INO80D: variants seen among roughly 807,000 people sequenced by gnomAD.
The protein encoded by INO80D is INO80 complex subunit D.
INO80D carries 21 observed loss-of-function variants against 87.6 expected under a neutral mutation model. The observed-to-expected ratio is 0.24, with a 90% CI of 0.17 to 0.35. The LOEUF (loss-of-function observed/expected upper bound fraction) is 0.35. Ranked by LOEUF, INO80D falls within the 10% of genes least tolerant of loss-of-function variation. The pLI is 1.00. For missense variants in INO80D, 982 were observed against 1,280.7 expected (o/e 0.77, Z 3.56); for synonymous variants, 440 against 491.0 (o/e 0.90, Z 1.37).
In INO80D at chr2:206,001,818, TG is replaced by T. The variant is rs1334984295; in HGVS notation, c.*2549del. ...CAACCACTTTCCTCAGCTTTCATCA[TG>T]GGCATCCAAACGAAAATGTATTTAC... On this transcript the variant is annotated 3_prime_UTR_variant, in exon 11 of 11. Coordinates refer to ENST00000403263, the MANE Select transcript of INO80D (RefSeq NM_017759.5). 1 of 152,232 alleles carries T rather than the reference TG, an allele frequency of 6.6e-6. No individual in the cohort carries two copies. The highest frequency in any genetic ancestry group is 1.9e-4 in the East Asian group (1 of 5,204). The allele number at this position is 152,232 out of a possible 1,614,324, so 9.4% of individuals were successfully genotyped here.
intron 1 of INO80D, among the ~76,000 whole-genome samples, chr2:206,068,024 G>A (rs1467175230): frequency 1.3e-5 from 2 of 151,988 alleles, no homozygotes; most frequent in East Asian, 3.8e-4. Context: ...TTGCTTTTTT[G>A]GTTTGAATTT....
At chr2:206,007,181 T>C (rs1184456713) in intron 10 of INO80D, 103 bp downstream of exon 10, 1 of 961,866 alleles carries the variant, frequency 1.0e-6, no homozygotes, top group East Asian at 2.5e-5. Context: ...TGAAAGACAT[T>C]ACATGTGAGG....
At chr2:206,051,720 C>T (rs919343193) in intron 4 of INO80D, among the ~76,000 whole-genome samples, 2 of 151,948 alleles carry the variant, frequency 1.3e-5, no homozygotes, top group African/African-American at 2.4e-5. Flanking sequence ...AGGCTGGTCC[C>T]GAACTCCTGG....
intron 5 of INO80D, among the ~76,000 whole-genome samples, chr2:206,041,604 A>G (rs1350917663): frequency 6.6e-6 from 1 of 152,250 alleles, no homozygotes; most frequent in Non-Finnish European, 1.5e-5. Flanking sequence ...TTACAAAGAG[A>G]TATTTCAAGA....
At chr2:206,058,344 C>T (rs1018489084) in intron 3 of INO80D, among the ~76,000 whole-genome samples, 4 of 145,978 alleles carry the variant, frequency 2.7e-5, no homozygotes, top group East Asian at 2.1e-4. Context: ...GCGCGAACCC[C>T]GGAGGCAGAG....
At chr2:206,075,674 G>A (rs1309171647) in intron 1 of INO80D, among the ~76,000 whole-genome samples, 1 of 151,584 alleles carries the variant, frequency 6.6e-6, no homozygotes, top group Non-Finnish European at 1.5e-5. Context: ...CTGACATCAA[G>A]TGATCCGCCC....
At chr2:206,022,465 C>T (rs6747107) in intron 6 of INO80D, among the ~76,000 whole-genome samples, 3 of 151,822 alleles carry the variant, frequency 2.0e-5, no homozygotes, top group Non-Finnish European at 2.9e-5. Flanking sequence ...AGGGAATTAC[C>T]AAAACTTTTT....
chr2:206,073,767 A>G (rs1419320571), intron 1 of INO80D, among the ~76,000 whole-genome samples: 3 of 152,096 alleles, frequency 2.0e-5, no homozygotes, highest in Non-Finnish European at 4.4e-5. Flanking sequence ...CACCAGCATC[A>G]GCCTCCCAAA....
At chr2:206,067,435 C>T (rs1396738691) in intron 1 of INO80D, among the ~76,000 whole-genome samples, 1 of 151,904 alleles carries the variant, frequency 6.6e-6, no homozygotes, top group Admixed American at 6.6e-5. Flanking sequence ...AATTATTATA[C>T]AGTTTTGAAT....
At chr2:206,055,314 G>T (rs1261156003) in intron 4 of INO80D, among the ~76,000 whole-genome samples, 1 of 152,076 alleles carries the variant, frequency 6.6e-6, no homozygotes. Context: ...TATAAACTTG[G>T]AATCGAGGAA....
At chr2:206,014,103 A>C (rs1477046719) in intron 8 of INO80D, among the ~76,000 whole-genome samples, 2 of 150,594 alleles carry the variant, frequency 1.3e-5, no homozygotes, top group African/African-American at 4.9e-5. Context: ...GGTTGCAGTG[A>C]GCCAAGATTG....
At chr2:206,020,088 T>TG (rs1688420580) in intron 6 of INO80D, among the ~76,000 whole-genome samples, 1 of 71,556 alleles carries the variant, frequency 1.4e-5, no homozygotes, top group Non-Finnish European at 3.7e-5. Flanking sequence ...CAAGTATGTC[T>TG]GTTTTTTTTT....
At chr2:206,026,649 A>G (rs994164221) in intron 6 of INO80D, among the ~76,000 whole-genome samples, 3 of 149,394 alleles carry the variant, frequency 2.0e-5, no homozygotes, top group African/African-American at 7.3e-5. Flanking sequence ...TATTATATAT[A>G]TTTTATATAT....
rs1042896238 is a variant in INO80D at position 205,998,043 on chromosome 2, T to G, written c.*6325A>C. 6.6e-6 allele frequency: 1 copy of G among 152,220 alleles called. No homozygotes were observed. The highest frequency in any genetic ancestry group is 6.5e-5 in the Admixed American group (1 of 15,280). The allele number at this position is 152,220 out of a possible 1,614,324, so 9.4% of individuals were successfully genotyped here. ...TTAGTGAGGAGGGATAAAAAGTTCC[T>G]GAATAAGACACTGAGAACATCTAGA... On this transcript the variant is annotated 3_prime_UTR_variant, in exon 11 of 11. Transcript: ENST00000403263.
Position 206,004,438 on chromosome 2 carries a change from C to G in INO80D, c.3014G>C (p.Gly1005Ala). The change falls in exon 11 of 11, where the codon GGC becomes GCC. Residue 1005 changes from glycine to alanine, a missense_variant. Physicochemically the swap from Gly to Ala is moderately conservative, Grantham distance 60. Coordinates refer to ENST00000403263, the MANE Select transcript of INO80D (RefSeq NM_017759.5). This position sits in a 1 kb window ranked among gnomAD's most constrained non-coding sequence, Gnocchi z 4.9. The stretch of plus-strand genomic sequence containing the variant: ...AGCTGTGGCACCTGTTACTGTGAAG[C>G]CTGTAGGAGGGGCTATAGAGCTGTG... The part of the protein sequence containing the change: ...PSHSSIAPPT[G>A]FTVTGATATS... 1 of 1,605,180 alleles carries G rather than the reference C, an allele frequency of 6.2e-7. No individual in the cohort carries two copies. The highest frequency in any genetic ancestry group is 8.5e-7 in the Non-Finnish European group (1 of 1,175,876).
intron 1 of INO80D, among the ~76,000 whole-genome samples, chr2:206,076,574 AAAC>A (rs1284406393): frequency 2.8e-4 from 42 of 152,360 alleles, no homozygotes; most frequent in African/African-American, 8.9e-4. Flanking sequence ...TCGAAAATAT[AAAC>A]AACATTCATT....
intron 3 of INO80D, among the ~76,000 whole-genome samples, chr2:206,057,652 G>A (rs534738877): frequency 6.6e-6 from 1 of 152,072 alleles, no homozygotes; most frequent in South Asian, 2.1e-4. Flanking sequence ...AAGAGTCAGA[G>A]CTAAGACCAA....
chr2:206,049,340 T>C (rs1049170142), intron 4 of INO80D, among the ~76,000 whole-genome samples: 10 of 152,244 alleles, frequency 6.6e-5, no homozygotes, highest in South Asian at 2.1e-4. Flanking sequence ...TAATAATTTG[T>C]AGGGGGAAAA....
At position 206,004,167 on chromosome 2, in the gene INO80D, G is replaced by A; in HGVS notation, c.*201C>T. On this transcript the variant is annotated 3_prime_UTR_variant, in exon 11 of 11. Transcript: ENST00000403263. This position sits in a 1 kb window ranked among gnomAD's most constrained non-coding sequence, Gnocchi z 4.9. ...GGGGCGGAGTGGGCCTGCCAGGAGG[G>A]AATGAGCACCAGTGCTAAGGAGCAC... 1 of 599,372 alleles carries A rather than the reference G, an allele frequency of 1.7e-6. No homozygotes were observed. Among genetic ancestry groups the A allele is most frequent in the Admixed American group, 3.0e-5 (1 of 33,700 alleles). The allele number at this position is 599,372 out of a possible 1,614,324, so 37.1% of individuals were successfully genotyped here. A position where few individuals can be genotyped will look rare whatever the true frequency, so the allele number is the denominator to read the frequency against.
Sources: allele counts gnomAD v4.1 joint callset (sites outside exome capture counted in the v4.1 genomes callset), GRCh38; gene constraint gnomAD v4.1.1; non-coding constraint Gnocchi (gnomAD v3.1); transcripts MANE v1.5; gene names NCBI Gene and HGNC (gene_info 2026-07-23, HGNC 2026-07-21).